The following NUP37 variants were observed in gnomAD, a reference collection of about 807,000 sequenced individuals.
NUP37 encodes the protein nucleoporin 37.
NUP37 carries 33 observed loss-of-function variants against 45.4 expected under a neutral mutation model. The observed-to-expected ratio is 0.73, with a 90% CI of 0.55 to 0.97. The LOEUF (loss-of-function observed/expected upper bound fraction) is 0.97, where lower values mean the gene tolerates loss of function less well. Among genes scored for constraint, NUP37 ranks in the 50% least tolerant of loss-of-function variants. NUP37 has a pLI of 0.00. For synonymous variants in NUP37, 127 were observed against 130.7 expected (o/e 0.97, Z 0.19); for missense variants, 365 against 389.7 (o/e 0.94, Z 0.53).
intron 5 of NUP37, among the ~76,000 whole-genome samples, chr12:102,088,300 T>G (rs888103633): frequency 6.6e-6 from 1 of 152,200 alleles, no homozygotes; most frequent in Admixed American, 6.5e-5. Flanking sequence ...ATATAGCTCA[T>G]CTGGTTAATA....
In NUP37 at chr12:102,098,213, C is replaced by T. The variant is rs75928275; in HGVS notation, c.449+893G>A. On this transcript the variant is annotated intron_variant, in intron 5 of 9. Coordinates refer to ENST00000552283, the MANE Select transcript of NUP37 (RefSeq NM_024057.4). ...CAGCTTATTTCCACCTGCTATTCTT[C>T]CTTTTCATCTTGTTCTTTATTTGTG... Among the ~76,000 whole-genome samples, 467 of 152,262 alleles carry T rather than the reference C, an allele frequency of 3.1e-3. 3 individuals carry two copies. The highest frequency in any genetic ancestry group is 0.011 in the African/African-American group (444 of 41,560).
chr12:102,075,652 C>A (rs1281057892), intron 8 of NUP37, among the ~76,000 whole-genome samples: 1 of 152,076 alleles, frequency 6.6e-6, no homozygotes, highest in Non-Finnish European at 1.5e-5. Context: ...TCCAAAGTTA[C>A]ACAAGGTTGA....
chr12:102,074,362 C>T lies in NUP37; in HGVS notation c.973G>A (p.Glu325Lys). Residue 325 changes from glutamate to lysine, a missense_variant, in exon 10 of 10, where the codon GAA (glutamate) becomes AAA (lysine). Transcript: ENST00000552283. ...GDHKLLFWVT[E>K]V ...AAGGTACAGAAAACACTTTATACTT[C>T]AGTCACCCAAAACAACAGCTTGTGG... 2 of 1,602,924 alleles carry T rather than the reference C, an allele frequency of 1.2e-6. No homozygotes were observed. The highest frequency in any genetic ancestry group is 1.7e-6 in the Non-Finnish European group (2 of 1,171,364).
rs753233602 is a variant in NUP37, at chr12:102,118,543, T to G, written c.-25A>C. 17 of 1,600,898 alleles carry G rather than the reference T, an allele frequency of 1.1e-5. No homozygotes were observed. The East Asian group carries it at 2.7e-4, about 25-fold the overall frequency. The stretch of plus-strand genomic sequence containing the variant: ...TCTTGTATGTCAAAATTCAAGCAGT[T>G]GTGAAAATTAAATAGCCTTCTACTG... On this transcript the variant is annotated 5_prime_UTR_variant, in exon 2 of 10. Coordinates refer to ENST00000552283, the MANE Select transcript of NUP37 (RefSeq NM_024057.4).
chr12:102,091,586 A>G (rs1421906625), intron 5 of NUP37, among the ~76,000 whole-genome samples: 1 of 152,136 alleles, frequency 6.6e-6, no homozygotes, highest in East Asian at 1.9e-4. Flanking sequence ...CATACATAGT[A>G]CATATTTAAA....
chr12:102,094,752 TA>T lies in NUP37; in HGVS notation c.449+4353del, dbSNP rs1031811204. On this transcript the variant is annotated intron_variant, in intron 5 of 9. Coordinates refer to ENST00000552283, the MANE Select transcript of NUP37 (RefSeq NM_024057.4). ...TTCTAATATCTTATTCTTTATTTTT[TA>T]TATGCCACCCTTCTCTCATTCTTTT... 1.4e-4 allele frequency among the ~76,000 whole-genome samples: 21 copies of T among 152,236 alleles called. No homozygotes were observed. The Middle Eastern group carries it at 0.014, about 99-fold the overall frequency.
intron 5 of NUP37, among the ~76,000 whole-genome samples, chr12:102,087,642 G>A (rs1354313650): frequency 6.6e-6 from 1 of 152,166 alleles, no homozygotes; most frequent in Non-Finnish European, 1.5e-5. Context: ...AAAATAAAGT[G>A]TTGGGCTAGC....
Position 102,076,828 on chromosome 12 carries a change from G to T in NUP37, c.742C>A (p.Pro248Thr). 6.2e-7 allele frequency: 1 copy of T among 1,613,112 alleles called. No homozygotes were observed. The highest frequency in any genetic ancestry group is 1.3e-5 in the African/African-American group (1 of 74,998). Reference sequence around the variant, plus strand: ...AAGCAGGCTCGATCCATGTGAACAGGTCTCTTATTTTGAGGATAACTAAAA... The same window carrying T: ...AAGCAGGCTCGATCCATGTGAACAGTTCTCTTATTTTGAGGATAACTAAAA... ...TRSSYPQNKR[P>T]VHMDRACLFR... The change falls in exon 8 of 10, where the codon CCT becomes ACT. Residue 248 changes from proline to threonine, a missense_variant. Transcript: ENST00000552283.
At chr12:102,095,044 C>T (rs528273171) in intron 5 of NUP37, among the ~76,000 whole-genome samples, 2 of 151,948 alleles carry the variant, frequency 1.3e-5, no homozygotes, top group Non-Finnish European at 2.9e-5. Context: ...CCCCAAAGTA[C>T]TGAATATTGG....
chr12:102,107,760 T>C (rs1222542326), intron 3 of NUP37, among the ~76,000 whole-genome samples: 4 of 152,200 alleles, frequency 2.6e-5, no homozygotes, highest in East Asian at 3.9e-4. Context: ...AAAATACATA[T>C]AGTATTATTA....
At chr12:102,074,954 A>AT in intron 9 of NUP37, 47 bp downstream of exon 9, 1 of 1,269,106 alleles carries the variant, frequency 7.9e-7, no homozygotes, top group Non-Finnish European at 1.1e-6. Context: ...AAAAACACAA[A>AT]TTAAAAAAAA....
At chr12:102,104,892 A>C (rs550787878) in intron 3 of NUP37, among the ~76,000 whole-genome samples, 2 of 152,216 alleles carry the variant, frequency 1.3e-5, no homozygotes, top group Non-Finnish European at 2.9e-5. Context: ...TGAGAACTTC[A>C]GCTTTCTCAA....
chr12:102,084,522 T>C (rs559026405), intron 6 of NUP37, among the ~76,000 whole-genome samples: 91 of 152,046 alleles, frequency 6.0e-4, no homozygotes, highest in Non-Finnish European at 1.2e-3. Context: ...TGCGTGCCTA[T>C]AGTCCCAGCT....
intron 2 of NUP37, among the ~76,000 whole-genome samples, chr12:102,112,881 C>A (rs575724157): frequency 6.6e-6 from 1 of 152,208 alleles, no homozygotes; most frequent in East Asian, 1.9e-4. Flanking sequence ...TTCATCTGAA[C>A]TATTATTGTT....
intron 6 of NUP37, among the ~76,000 whole-genome samples, chr12:102,084,429 T>C (rs1879412434): frequency 6.6e-6 from 1 of 152,036 alleles, no homozygotes; most frequent in Admixed American, 6.5e-5. Flanking sequence ...GCAGATCGCT[T>C]GAGACAAGGA....
intron 6 of NUP37, among the ~76,000 whole-genome samples, chr12:102,078,165 T>TAA (rs781351728): frequency 6.7e-5 from 9 of 134,932 alleles, no homozygotes; most frequent in African/African-American, 1.9e-4. Flanking sequence ...CCGTCTCTAC[T>TAA]AAAAAAAAAA....
At chr12:102,112,595 G>C (rs1880348023) in intron 2 of NUP37, among the ~76,000 whole-genome samples, 1 of 152,106 alleles carries the variant, frequency 6.6e-6, no homozygotes, top group East Asian at 1.9e-4. Flanking sequence ...TCTGGAGTCT[G>C]AGACCAGACT....
At chr12:102,091,199 C>G (rs763196810) in intron 5 of NUP37, among the ~76,000 whole-genome samples, 1 of 151,820 alleles carries the variant, frequency 6.6e-6, no homozygotes, top group Non-Finnish European at 1.5e-5. Context: ...GAGTTCGAGA[C>G]CAGCCTGACC....
chr12:102,095,368 A>C (rs1417268871), intron 5 of NUP37, among the ~76,000 whole-genome samples: 1 of 152,100 alleles, frequency 6.6e-6, no homozygotes, highest in Non-Finnish European at 1.5e-5. Context: ...TTTTCTGTGC[A>C]TATGCATATA....
Sources: gnomAD v4.1 joint callset for allele counts (sites outside exome capture counted in the v4.1 genomes callset) on GRCh38, gnomAD v4.1.1 for gene constraint, MANE v1.5 for transcripts, NCBI Gene and HGNC (gene_info 2026-07-23, HGNC 2026-07-21) for gene names.